ASCC1: variants seen among roughly 807,000 people sequenced by gnomAD.
The protein encoded by ASCC1 is activating signal cointegrator 1 complex subunit 1.
A neutral mutation model predicts 46.6 loss-of-function variants in ASCC1; 35 were observed. The ratio of observed to expected loss-of-function variants is 0.75; its 90% CI spans 0.57 to 0.99. The LOEUF is 0.99. ASCC1 is among the 50% of genes least tolerant of loss of function. The pLI is 0.00. For synonymous variants in ASCC1, 143 were observed against 146.6 expected (o/e 0.98, Z 0.18); for missense variants, 376 against 428.7 (o/e 0.88, Z 1.09).
At chr10:72,171,429 CTCT>C (rs1335954020) in intron 5 of ASCC1, among the ~76,000 whole-genome samples, 3 of 152,034 alleles carry the variant, frequency 2.0e-5, no homozygotes, top group African/African-American at 7.2e-5. Flanking sequence ...TCCTGATTTC[CTCT>C]TTTTTTTTTT....
At chr10:72,188,075 T>TTCTCA (rs150989856) in intron 5 of ASCC1, among the ~76,000 whole-genome samples, 21,194 of 151,194 alleles carry the variant, frequency 0.14, 4,242 homozygotes, top group African/African-American at 0.45. Context: ...ATTTTACTAA[T>TTCTCA]TCTCACCCCA....
chr10:72,210,406 C>T lies in ASCC1; in HGVS notation c.212+326G>A, dbSNP rs540239941. ...AACTTCTGACTTCAGGTGATCCACC[C>T]GCCTCAGCCTCCCGAAGTGCTGGGA... On this transcript the variant is annotated intron_variant, in intron 3 of 9. Transcript: ENST00000672957. 3.5e-4 allele frequency among the ~76,000 whole-genome samples: 53 copies of T among 152,098 alleles called. No homozygotes were observed. In the South Asian group the frequency reaches 7.3e-3, roughly 21 times the overall value.
chr10:72,149,485 A>C (rs1848073515), intron 7 of ASCC1, among the ~76,000 whole-genome samples: 1 of 140,626 alleles, frequency 7.1e-6, no homozygotes. Context: ...GTTATTTTTT[A>C]ATGAATAAAC....
intron 5 of ASCC1, among the ~76,000 whole-genome samples, chr10:72,180,265 C>CG (rs1410763527): frequency 6.7e-6 from 1 of 148,860 alleles, no homozygotes; most frequent in African/African-American, 2.5e-5. Context: ...GGCAACAGAG[C>CG]GAGACCCCGT....
At chr10:72,124,043 T>C (rs986039916) in intron 9 of ASCC1, among the ~76,000 whole-genome samples, 3 of 152,230 alleles carry the variant, frequency 2.0e-5, no homozygotes, top group Non-Finnish European at 4.4e-5. Context: ...TTCATTATAA[T>C]TGCCCTTTTA....
At chr10:72,118,656 G>A (rs1356696134) in intron 9 of ASCC1, among the ~76,000 whole-genome samples, 2 of 150,924 alleles carry the variant, frequency 1.3e-5, no homozygotes, top group Non-Finnish European at 3.0e-5. Context: ...GTGCACGCCT[G>A]TAGTCCCAGC....
intron 4 of ASCC1, chr10:72,198,805 G>C (rs2133319850): frequency 2.7e-5 from 11 of 400,816 alleles, no homozygotes; most frequent in South Asian, 2.1e-4. Context: ...TTCTCTACAA[G>C]ATCAATAAGC....
chr10:72,096,477 T>C lies in ASCC1; in HGVS notation c.*857A>G, dbSNP rs567940293. The C allele has an allele frequency of 1.4e-3, 631 of 454,004 alleles. 8 individuals carry two copies. Among genetic ancestry groups the C allele is most frequent in the South Asian group, 9.4e-3 (607 of 64,464 alleles). The allele number at this position is 454,004 out of a possible 1,614,324, so 28.1% of individuals were successfully genotyped here. On this transcript the variant is annotated 3_prime_UTR_variant, in exon 10 of 10. Coordinates refer to ENST00000672957, the MANE Select transcript of ASCC1 (RefSeq NM_001198800.3). ...TGAAGGAACAGGAATCCAACAAATA[T>C]TAAGAGGACAAACTTTGGTAGGAAA...
chr10:72,128,261 T>C, intron 8 of ASCC1, 94 bp from the exon 9 acceptor site: 1 of 1,016,368 alleles, frequency 9.8e-7, no homozygotes, highest in Admixed American at 1.7e-5. Context: ...TAGCAAAATT[T>C]TCATGAACTA....
rs1847914621 is a variant in ASCC1, at chr10:72,148,618, A to G, written c.746+4251T>C. On this transcript the variant is annotated intron_variant, in intron 7 of 9. Coordinates refer to ENST00000672957, the MANE Select transcript of ASCC1 (RefSeq NM_001198800.3). Reference sequence around the variant, plus strand: ...AGTTTGACAGCTTCCCAATGCTTAAAAATTTTGATGAAATTGGTAGTGATA... The same window carrying G: ...AGTTTGACAGCTTCCCAATGCTTAAGAATTTTGATGAAATTGGTAGTGATA... Among the ~76,000 whole-genome samples the G allele has an allele frequency of 2.0e-5, 3 of 152,354 alleles. No homozygotes were observed. The South Asian group carries it at 6.2e-4, about 32-fold the overall frequency.
At position 72,153,327 on chromosome 10, in the gene ASCC1, G is replaced by A. The variant is rs182604437; in HGVS notation, c.627-339C>T. ...TACTATGTTGGCTCATCTCTCAGGCGCCCATCTCTACTATTTCTACAAGTT... is the reference window on the plus strand; with the variant it reads ...TACTATGTTGGCTCATCTCTCAGGCACCCATCTCTACTATTTCTACAAGTT... On this transcript the variant is annotated intron_variant, in intron 6 of 9. Coordinates refer to ENST00000672957, the MANE Select transcript of ASCC1 (RefSeq NM_001198800.3). Among the ~76,000 whole-genome samples the A allele has an allele frequency of 3.8e-4, 58 of 152,268 alleles. No homozygotes were observed. In the Middle Eastern group the frequency reaches 0.014, roughly 36 times the overall value.
At chr10:72,121,204 T>C (rs1020401002) in intron 9 of ASCC1, among the ~76,000 whole-genome samples, 1 of 152,114 alleles carries the variant, frequency 6.6e-6, no homozygotes. Context: ...AGTGCAATGG[T>C]GCAATCATAG....
intron 7 of ASCC1, among the ~76,000 whole-genome samples, chr10:72,141,092 T>C (rs867532014): frequency 6.0e-5 from 9 of 148,894 alleles, no homozygotes; most frequent in Admixed American, 2.0e-4. Flanking sequence ...TAGATATAGA[T>C]ATAGACATAG....
intron 4 of ASCC1, among the ~76,000 whole-genome samples, chr10:72,197,749 T>C (rs1255060017): frequency 1.3e-5 from 2 of 150,654 alleles, no homozygotes; most frequent in Non-Finnish European, 2.9e-5. Flanking sequence ...CTACTAAAAA[T>C]ACAAAAATTA....
chr10:72,202,036 A>G (rs7085926), intron 4 of ASCC1, among the ~76,000 whole-genome samples: 20,862 of 151,932 alleles, frequency 0.14, 4,064 homozygotes, highest in African/African-American at 0.43. Context: ...GATCACTTCA[A>G]ACCAAAAATT....
intron 9 of ASCC1, among the ~76,000 whole-genome samples, chr10:72,119,118 G>T (rs74145582): frequency 6.6e-6 from 1 of 152,216 alleles, no homozygotes; most frequent in Non-Finnish European, 1.5e-5. Context: ...TGTAATTGAC[G>T]AACTGCTAGA....
At chr10:72,125,641 C>A (rs756937092) in intron 9 of ASCC1, among the ~76,000 whole-genome samples, 9 of 151,980 alleles carry the variant, frequency 5.9e-5, no homozygotes, top group Non-Finnish European at 1.3e-4. Context: ...ACTGTTGGAG[C>A]CCACATTTAC....
intron 9 of ASCC1, among the ~76,000 whole-genome samples, chr10:72,115,596 A>G (rs549511505): frequency 6.6e-6 from 1 of 152,342 alleles, no homozygotes; most frequent in African/African-American, 2.4e-5. Flanking sequence ...AAGAGAAGAA[A>G]GCATTTGAAG....
intron 1 of ASCC1, among the ~76,000 whole-genome samples, chr10:72,214,007 C>T (rs1372966394): frequency 6.6e-6 from 1 of 151,600 alleles, no homozygotes; most frequent in Non-Finnish European, 1.5e-5. Context: ...CACTGCACTC[C>T]AGCCTGGGCA....
Sources: gnomAD v4.1 joint callset for allele counts (sites outside exome capture counted in the v4.1 genomes callset) on GRCh38, gnomAD v4.1.1 for gene constraint, MANE v1.5 for transcripts, NCBI Gene and HGNC (gene_info 2026-07-23, HGNC 2026-07-21) for gene names.